The following SLC38A12 variants were observed in gnomAD, a reference collection of about 807,000 sequenced individuals.
SLC38A12 encodes the protein solute carrier family 38 member 12.
chr17:74,837,991 C>G, the SLC38A12 span: 1 of 985,862 alleles, frequency 1.0e-6, no homozygotes, highest in Non-Finnish European at 1.2e-6. Flanking sequence ...GTGCCTTGCT[C>G]AGCCCCTCCC....
chr17:74,811,469 C>T, the SLC38A12 span, among the ~76,000 whole-genome samples: 1 of 152,156 alleles, frequency 6.6e-6, no homozygotes, highest in Non-Finnish European at 1.5e-5. Context: ...GCCTGTAATT[C>T]CAGCATTTTG....
At chr17:74,807,393 G>A in the SLC38A12 span, among the ~76,000 whole-genome samples, 1 of 152,240 alleles carries the variant, frequency 6.6e-6, no homozygotes, top group Non-Finnish European at 1.5e-5. Flanking sequence ...CCTGAAGGTT[G>A]CAATGAGGGA....
At chr17:74,813,390 G>A in the SLC38A12 span, among the ~76,000 whole-genome samples, 8 of 152,372 alleles carry the variant, frequency 5.3e-5, no homozygotes, top group East Asian at 1.9e-4. Context: ...TAGTTTTGGC[G>A]TGGAGTTGCA....
At chr17:74,813,918 G>A in the SLC38A12 span, among the ~76,000 whole-genome samples, 2 of 152,286 alleles carry the variant, frequency 1.3e-5, no homozygotes, top group Admixed American at 1.3e-4. Flanking sequence ...GTTCCAGTTG[G>A]AAGCTGCAGT....
chr17:74,802,017 G>A, the SLC38A12 span, among the ~76,000 whole-genome samples: 1 of 151,968 alleles, frequency 6.6e-6, no homozygotes, highest in Admixed American at 6.6e-5. Context: ...GCTCCTGTCT[G>A]AGCACGGCCC....
chr17:74,786,762 G>A, the SLC38A12 span, among the ~76,000 whole-genome samples: 2 of 152,306 alleles, frequency 1.3e-5, no homozygotes, highest in South Asian at 4.1e-4. Context: ...TTCTTTTGGG[G>A]AGTTTTGAGG....
the SLC38A12 span, among the ~76,000 whole-genome samples, chr17:74,821,104 C>G: frequency 6.6e-6 from 1 of 152,190 alleles, no homozygotes; most frequent in African/African-American, 2.4e-5. Context: ...GATGAGGCTC[C>G]CACTCCACTC....
chr17:74,797,731 G>T, the SLC38A12 span, among the ~76,000 whole-genome samples: 1 of 152,186 alleles, frequency 6.6e-6, no homozygotes, highest in Non-Finnish European at 1.5e-5. Flanking sequence ...CCCTTGGTGA[G>T]TTGGAAGGGG....
At chr17:74,815,608 T>A in the SLC38A12 span, among the ~76,000 whole-genome samples, 1 of 152,170 alleles carries the variant, frequency 6.6e-6, no homozygotes, top group Non-Finnish European at 1.5e-5. Flanking sequence ...TCCTTTTGCA[T>A]ATGACACAGA....
the SLC38A12 span, chr17:74,839,010 G>A: frequency 1.3e-6 from 2 of 1,535,754 alleles, no homozygotes; most frequent in East Asian, 4.9e-5. Context: ...TCTGCCACCT[G>A]CATGGCCCCA....
chr17:74,795,220 C>A, the SLC38A12 span: 1 of 909,160 alleles, frequency 1.1e-6, no homozygotes, highest in East Asian at 2.4e-5. Context: ...TTCATTGCAT[C>A]TAGGGAATGC....
the SLC38A12 span, among the ~76,000 whole-genome samples, chr17:74,794,640 G>A: frequency 5.9e-5 from 9 of 152,266 alleles, no homozygotes; most frequent in Middle Eastern, 6.8e-3. Flanking sequence ...GGGGGCCCCA[G>A]CCCAGACGCA....
the SLC38A12 span, chr17:74,838,259 C>G: frequency 7.1e-6 from 7 of 985,800 alleles, no homozygotes; most frequent in Non-Finnish European, 8.4e-6. Context: ...ACGGGAAAAA[C>G]AAATGCCCCT....
At chr17:74,790,110 C>T in the SLC38A12 span, 2 of 1,066,960 alleles carry the variant, frequency 1.9e-6, no homozygotes, top group Non-Finnish European at 1.4e-6. Context: ...CATGACACCA[C>T]ACCTGGCTAA....
the SLC38A12 span, among the ~76,000 whole-genome samples, chr17:74,819,314 C>G: frequency 6.6e-6 from 1 of 152,256 alleles, no homozygotes; most frequent in Non-Finnish European, 1.5e-5. Flanking sequence ...CCCACTGTGT[C>G]CTTTCTTCGC....
At chr17:74,816,265 G>T in the SLC38A12 span, among the ~76,000 whole-genome samples, 2 of 152,180 alleles carry the variant, frequency 1.3e-5, no homozygotes, top group African/African-American at 2.4e-5. Flanking sequence ...ACACATCTGT[G>T]GTTTGAAGCC....
chr17:74,802,865 G>T, the SLC38A12 span, among the ~76,000 whole-genome samples: 1 of 151,914 alleles, frequency 6.6e-6, no homozygotes, highest in African/African-American at 2.4e-5. Context: ...CTTCCTACCC[G>T]CAGCAAGCCA....
chr17:74,795,580 C>T, the SLC38A12 span: 5 of 1,614,142 alleles, frequency 3.1e-6, no homozygotes, highest in Non-Finnish European at 4.2e-6. Flanking sequence ...TACAATGACA[C>T]TGACCGGTGC....
the SLC38A12 span, among the ~76,000 whole-genome samples, chr17:74,802,432 G>A: frequency 2.0e-5 from 3 of 152,130 alleles, no homozygotes; most frequent in South Asian, 4.1e-4. Flanking sequence ...TACCCAGCTC[G>A]GAAGCTGCTC....
Sources: allele counts gnomAD v4.1 joint callset (sites outside exome capture counted in the v4.1 genomes callset), GRCh38; gene constraint gnomAD v4.1.1; transcripts MANE v1.5; gene names NCBI Gene and HGNC (gene_info 2026-07-23, HGNC 2026-07-21).